The following TRPM3 variants were observed in gnomAD, a reference collection of about 807,000 sequenced individuals.
TRPM3 encodes the protein long transient receptor potential channel 3.
In TRPM3, 77 loss-of-function variants were observed where a neutral mutation model predicts 181.2. That is an observed-to-expected ratio of 0.42 (90% CI 0.35 to 0.51). TRPM3 has a LOEUF of 0.51. Among genes scored for constraint, TRPM3 ranks in the 20% least tolerant of loss-of-function variants. The pLI is 0.01. For missense variants in TRPM3, 1,759 were observed against 2,196.7 expected (o/e 0.80, Z 3.98); for synonymous variants, 745 against 796.4 (o/e 0.94, Z 1.09).
At chr9:71,331,962 GGGA>G (rs1207118154) in intron 1 of TRPM3, among the ~76,000 whole-genome samples, 6 of 130,440 alleles carry the variant, frequency 4.6e-5, no homozygotes, top group Non-Finnish European at 1.0e-4. Context: ...AGGTGGAGGA[GGGA>G]GGAGGAGGAG....
At chr9:71,380,224 T>G (rs2092766913) in intron 1 of TRPM3, among the ~76,000 whole-genome samples, 1 of 151,998 alleles carries the variant, frequency 6.6e-6, no homozygotes, top group South Asian at 2.1e-4. Context: ...AACATGTCAT[T>G]GATGTTCTTT....
At chr9:70,790,604 C>T (rs114275340) in intron 6 of TRPM3, among the ~76,000 whole-genome samples, 94 of 152,290 alleles carry the variant, frequency 6.2e-4, no homozygotes, top group African/African-American at 2.2e-3. Flanking sequence ...TTAATACCTA[C>T]TTGAGAAATA....
intron 1 of TRPM3, among the ~76,000 whole-genome samples, chr9:71,172,481 C>T (rs745491659): frequency 6.6e-6 from 1 of 152,014 alleles, no homozygotes; most frequent in Non-Finnish European, 1.5e-5. Flanking sequence ...TCTCAGCACA[C>T]TCCAGCCTCA....
intron 6 of TRPM3, among the ~76,000 whole-genome samples, chr9:70,824,040 G>A (rs1279087764): frequency 6.6e-6 from 1 of 152,226 alleles, no homozygotes; most frequent in Admixed American, 6.5e-5. Flanking sequence ...TGTTTTCAGT[G>A]ATCATTGCCA....
chr9:71,049,662 A>C (rs2059846747), intron 1 of TRPM3, among the ~76,000 whole-genome samples: 1 of 152,102 alleles, frequency 6.6e-6, no homozygotes, highest in Non-Finnish European at 1.5e-5. Context: ...GAAGCAATTG[A>C]CACTTGGCCA....
intron 1 of TRPM3, among the ~76,000 whole-genome samples, chr9:70,957,088 G>A (rs1189660282): frequency 6.6e-6 from 1 of 151,276 alleles, no homozygotes; most frequent in Admixed American, 6.6e-5. Context: ...AGCCTCCTGA[G>A]TAGCTGGGAC....
intron 1 of TRPM3, among the ~76,000 whole-genome samples, chr9:70,964,535 T>G (rs1235105885): frequency 4.6e-5 from 7 of 152,042 alleles, no homozygotes; most frequent in Non-Finnish European, 8.8e-5. Flanking sequence ...GTAACTAATT[T>G]CTAGGCTCTG....
intron 1 of TRPM3, among the ~76,000 whole-genome samples, chr9:71,433,940 G>C (rs568311935): frequency 6.6e-6 from 1 of 152,284 alleles, no homozygotes; most frequent in South Asian, 2.1e-4. Flanking sequence ...CAGATCACAT[G>C]AGGTCAGGAG....
chr9:71,157,170 T>C lies in TRPM3; in HGVS notation c.183+289483A>G, dbSNP rs183561092. ...AACATTAATAGAAAATGAATAACAG[T>C]ACATTATCAACAAAAAGCATAACAC... On this transcript the variant is annotated intron_variant, in intron 1 of 24. Coordinates refer to the TRPM3 transcript ENST00000357533. 7.9e-5 allele frequency among the ~76,000 whole-genome samples: 12 copies of C among 152,256 alleles called. No homozygotes were observed. The East Asian group carries it at 2.3e-3, about 29-fold the overall frequency.
At chr9:71,359,255 A>G (rs999283180) in intron 1 of TRPM3, among the ~76,000 whole-genome samples, 21 of 152,230 alleles carry the variant, frequency 1.4e-4, no homozygotes, top group Non-Finnish European at 5.9e-5. Flanking sequence ...AGTGGTTAAT[A>G]AAGTGAAAGG....
At chr9:70,776,825 G>A (rs1204691489) in intron 7 of TRPM3, among the ~76,000 whole-genome samples, 1 of 152,152 alleles carries the variant, frequency 6.6e-6, no homozygotes, top group Non-Finnish European at 1.5e-5. Context: ...CAGAAACCAA[G>A]GAAGGTATTT....
chr9:71,318,843 G>C (rs1229035774), intron 1 of TRPM3, among the ~76,000 whole-genome samples: 5 of 152,006 alleles, frequency 3.3e-5, no homozygotes, highest in Non-Finnish European at 1.5e-5. Context: ...TCTGAAACCA[G>C]CACCACAATC....
intron 1 of TRPM3, among the ~76,000 whole-genome samples, chr9:71,273,809 A>C (rs1023416701): frequency 1.3e-5 from 2 of 152,170 alleles, no homozygotes; most frequent in South Asian, 2.1e-4. Flanking sequence ...TCTGCTGGGC[A>C]TTATGAAATC....
intron 1 of TRPM3, among the ~76,000 whole-genome samples, chr9:71,283,656 G>C (rs2085041406): frequency 6.6e-6 from 1 of 152,116 alleles, no homozygotes; most frequent in African/African-American, 2.4e-5. Context: ...ACCACGTTTT[G>C]TTTATCCATT....
At chr9:70,948,410 T>C (rs775481266) in intron 1 of TRPM3, among the ~76,000 whole-genome samples, 14 of 152,202 alleles carry the variant, frequency 9.2e-5, no homozygotes, top group Non-Finnish European at 7.3e-5. Flanking sequence ...TTCAGCCTTA[T>C]TCTGACCTTT....
chr9:71,218,167 C>G (rs1028850373), intron 1 of TRPM3, among the ~76,000 whole-genome samples: 1 of 152,094 alleles, frequency 6.6e-6, no homozygotes, highest in African/African-American at 2.4e-5. Flanking sequence ...CTTTCCCTAT[C>G]CACACAATCC....
chr9:71,106,508 T>C (rs942216545), intron 1 of TRPM3, among the ~76,000 whole-genome samples: 7 of 152,154 alleles, frequency 4.6e-5, no homozygotes, highest in Non-Finnish European at 1.0e-4. Flanking sequence ...TCTGCCATGA[T>C]TGTAAGCTTC....
chr9:70,915,867 G>A (rs76874052), intron 1 of TRPM3, among the ~76,000 whole-genome samples: 148 of 152,062 alleles, frequency 9.7e-4, no homozygotes, highest in African/African-American at 3.3e-3. Context: ...GAATGATATC[G>A]GTCAATATCC....
chr9:70,551,089 A>G (rs1457569829), intron 24 of TRPM3, among the ~76,000 whole-genome samples: 2 of 152,234 alleles, frequency 1.3e-5, no homozygotes, highest in Non-Finnish European at 2.9e-5. Context: ...TTCTTTGGCT[A>G]TATGTAACGC....
Sources: allele counts gnomAD v4.1 joint callset (sites outside exome capture counted in the v4.1 genomes callset), GRCh38; gene constraint gnomAD v4.1.1; transcripts MANE v1.5; gene names NCBI Gene and HGNC (gene_info 2026-07-23, HGNC 2026-07-21).